Variants in ZNF676 observed in about 807,000 individuals in gnomAD.
The protein encoded by ZNF676 is zinc finger protein 676.
Under a neutral mutation model 6.0 loss-of-function variants are expected in ZNF676, and 4 were observed. The observed-to-expected ratio is 0.67, with a 90% CI of 0.33 to 1.53. The LOEUF (loss-of-function observed/expected upper bound fraction) is 1.53. ZNF676 is among the 40% of genes most tolerant of loss of function. The pLI, the probability that ZNF676 is intolerant of heterozygous loss-of-function variation, is 0.06. For missense variants in ZNF676, 644 were observed against 679.7 expected, an observed-to-expected ratio of 0.95 and a Z score of 0.58; for synonymous variants, 198 against 223.1, an observed-to-expected ratio of 0.89 and a Z score of 1.00.
intron 2 of ZNF676, among the ~76,000 whole-genome samples, chr19:22,189,134 T>C (rs749765985): frequency 5.3e-5 from 8 of 151,836 alleles, no homozygotes; most frequent in Non-Finnish European, 1.0e-4. Context: ...ACCAAAACAG[T>C]ATGGTACTGG....
chr19:22,232,853 C>T, the ZNF676 span, among the ~76,000 whole-genome samples: 1 of 152,002 alleles, frequency 6.6e-6, no homozygotes, highest in Non-Finnish European at 1.5e-5. Context: ...TTGAAGATAT[C>T]CATACTGTTC....
In ZNF676 at chr19:22,181,160, T is replaced by C; in HGVS notation, c.557A>G (p.Tyr186Cys). The C allele has an allele frequency of 6.2e-7, 1 of 1,613,968 alleles. No individual in the cohort carries two copies. The highest frequency in any genetic ancestry group is 8.5e-7 in the Non-Finnish European group (1 of 1,179,930). Reference sequence around the variant, plus strand: ...CTCTCCAGTATGAATACTCTTATAATAAGTAAGGGTTGAGGACCAGTTAAA... The same window carrying C: ...CTCTCCAGTATGAATACTCTTATAACAAGTAAGGGTTGAGGACCAGTTAAA... ...KAFNWSSTLTYYKSIHTGEKP... is the reference protein window; with the variant it reads ...KAFNWSSTLTCYKSIHTGEKP... The change falls in exon 3 of 3, where the codon TAT becomes TGT. Residue 186 changes from tyrosine to cysteine, a missense_variant. This residue lies in a region of ZNF676 where 280 missense variants were observed against 269.3 expected (regional missense o/e 1.04). Coordinates refer to ENST00000397121, the MANE Select transcript of ZNF676 (RefSeq NM_001001411.3).
At chr19:22,226,563 T>C in the ZNF676 span, among the ~76,000 whole-genome samples, 1 of 146,148 alleles carries the variant, frequency 6.8e-6, no homozygotes, top group Non-Finnish European at 1.5e-5. Flanking sequence ...ATTTTATTTA[T>C]TTATTTATTT....
intron 2 of ZNF676, 49 bp downstream of exon 2, chr19:22,192,967 A>T (rs759683179): frequency 6.5e-7 from 1 of 1,548,626 alleles, no homozygotes; most frequent in East Asian, 2.4e-5. Context: ...TGGCTTCCTC[A>T]TTGACTTTGG....
upstream of ZNF676, among the ~76,000 whole-genome samples, chr19:22,217,032 G>T (rs1449202390): frequency 2.0e-5 from 3 of 151,470 alleles, no homozygotes; most frequent in Admixed American, 6.6e-5. Flanking sequence ...TAGTTTTGGG[G>T]TACATGTAGT....
chr19:22,184,067 A>G (rs1389842963), intron 2 of ZNF676, among the ~76,000 whole-genome samples: 1 of 152,202 alleles, frequency 6.6e-6, no homozygotes, highest in East Asian at 1.9e-4. Flanking sequence ...GGAGGCTGGC[A>G]AGATGGCCAA....
Position 22,179,936 on chromosome 19 carries a change from C to T in ZNF676, c.*14G>A, listed in dbSNP as rs562851397. ...TGAGAATCAGCTGAAGGATTTACCA[C>T]ATTCTTCACATTTTTAGGGATTCTC... On this transcript the variant is annotated 3_prime_UTR_variant, in exon 3 of 3. Transcript: ENST00000397121. The T allele has an allele frequency of 2.7e-5, 44 of 1,607,958 alleles. No homozygotes were observed. The East Asian group carries it at 4.5e-4, about 16-fold the overall frequency.
chr19:22,184,227 G>A (rs1244656965), intron 2 of ZNF676, among the ~76,000 whole-genome samples: 1 of 152,154 alleles, frequency 6.6e-6, no homozygotes, highest in East Asian at 1.9e-4. Flanking sequence ...GTGGGGTGCA[G>A]TGTTGCCTCA....
intron 1 of ZNF676, among the ~76,000 whole-genome samples, chr19:22,211,116 A>C (rs1385384431): frequency 6.8e-6 from 1 of 147,234 alleles, no homozygotes; most frequent in Admixed American, 6.8e-5. Context: ...TTTAATGTAC[A>C]TCTAGCTGGT....
intron 2 of ZNF676, among the ~76,000 whole-genome samples, chr19:22,186,821 A>C (rs2023846142): frequency 6.6e-6 from 1 of 152,190 alleles, no homozygotes; most frequent in Non-Finnish European, 1.5e-5. Context: ...TCAATGCAAC[A>C]AGAAGAGCTA....
chr19:22,182,585 T>TAAAAAAAAAAAAAAAAA (rs67699215), intron 2 of ZNF676, among the ~76,000 whole-genome samples: 46 of 44,964 alleles, frequency 1.0e-3, no homozygotes, highest in East Asian at 3.6e-3. Context: ...GTCAAAGTTC[T>TAAAAAAAAAAAAAAAAA]AAAAAAAAAA....
At chr19:22,255,459 G>C in the ZNF676 span, among the ~76,000 whole-genome samples, 22 of 152,258 alleles carry the variant, frequency 1.4e-4, no homozygotes, top group South Asian at 4.4e-3. Flanking sequence ...GATTGTATCT[G>C]TGTCTCTAAG....
At chr19:22,214,328 A>G (rs1298929224) in intron 1 of ZNF676, among the ~76,000 whole-genome samples, 1 of 152,118 alleles carries the variant, frequency 6.6e-6, no homozygotes, top group African/African-American at 2.4e-5. Flanking sequence ...TAAAAAATCT[A>G]ATTCGGCCAG....
At position 22,179,885 on chromosome 19, in the gene ZNF676, T is replaced by TC; in HGVS notation, c.*64_*65insG. 1 of 1,526,208 alleles carries TC rather than the reference T, an allele frequency of 6.6e-7. No homozygotes were observed. The highest frequency in any genetic ancestry group is 9.0e-7 in the Non-Finnish European group (1 of 1,108,308). 94.5% of individuals were successfully genotyped at this position (1,526,208 alleles called of 1,614,324 possible). A position where few individuals can be genotyped will look rare whatever the true frequency, so the allele number is the denominator to read the frequency against. ...TCACCTTTGTAGATTTTCTCTCCAG[T>TC]ATGAATTTTCTTATGTTTACTAGAC... On this transcript the variant is annotated 3_prime_UTR_variant, in exon 3 of 3. Transcript: ENST00000397121.
chr19:22,193,749 G>A (rs934084809), intron 1 of ZNF676, among the ~76,000 whole-genome samples: 1 of 152,090 alleles, frequency 6.6e-6, no homozygotes, highest in Non-Finnish European at 1.5e-5. Context: ...AGGACCTTGT[G>A]CTTTTCCTAT....
the ZNF676 span, among the ~76,000 whole-genome samples, chr19:22,231,079 T>A: frequency 4.6e-5 from 7 of 151,754 alleles, no homozygotes; most frequent in Non-Finnish European, 1.0e-4. Context: ...TTGAAAAAAA[T>A]TTAGAAAACA....
chr19:22,195,533 T>C (rs1201500021), intron 1 of ZNF676, among the ~76,000 whole-genome samples: 4 of 152,192 alleles, frequency 2.6e-5, no homozygotes, highest in African/African-American at 7.2e-5. Flanking sequence ...CTCTGTAGCT[T>C]TGCATAGTTC....
upstream of ZNF676, among the ~76,000 whole-genome samples, chr19:22,218,617 TA>T (rs2024217772): frequency 6.6e-6 from 1 of 152,070 alleles, no homozygotes; most frequent in African/African-American, 2.4e-5. Flanking sequence ...GTGCTGGGAT[TA>T]CAGGTATAAG....
At chr19:22,247,100 T>A in the ZNF676 span, among the ~76,000 whole-genome samples, 1 of 152,184 alleles carries the variant, frequency 6.6e-6, no homozygotes, top group Non-Finnish European at 1.5e-5. Context: ...CAGCACCAAT[T>A]AGCCAACTTT....
Sources: allele counts gnomAD v4.1 joint callset (sites outside exome capture counted in the v4.1 genomes callset), GRCh38; gene constraint gnomAD v4.1.1; regional missense constraint gnomAD v4.1.1; transcripts MANE v1.5; gene names NCBI Gene and HGNC (gene_info 2026-07-23, HGNC 2026-07-21).